Variants in SMYD1 observed in about 807,000 individuals in gnomAD.
SMYD1 encodes the protein SET and MYND domain containing 1, also known as histone-lysine N-methyltransferase SMYD1.
A neutral mutation model predicts 54.0 loss-of-function variants in SMYD1; 49 were observed. That is an observed-to-expected ratio of 0.91 (90% confidence interval 0.72 to 1.15). The LOEUF is 1.15. Among genes scored for constraint, SMYD1 ranks in the 50% most tolerant of loss-of-function variants. SMYD1 has a pLI of 0.00. For synonymous variants in SMYD1, 269 were observed against 234.2 expected, an observed-to-expected ratio of 1.15 and a Z score of -1.36; for missense variants, 653 against 639.6, an observed-to-expected ratio of 1.02 and a Z score of -0.23.
chr2:88,101,360 T>C (rs1008740454), intron 6 of SMYD1, among the ~76,000 whole-genome samples: 1 of 152,240 alleles, frequency 6.6e-6, no homozygotes, highest in Non-Finnish European at 1.5e-5. Context: ...CGGAAAACTT[T>C]ACATTTATTA....
chr2:88,086,968 A>T (rs1434913523), intron 2 of SMYD1, among the ~76,000 whole-genome samples: 3 of 140,554 alleles, frequency 2.1e-5, no homozygotes, highest in Non-Finnish European at 4.6e-5. Flanking sequence ...ACATCTCCCA[A>T]TGCTATCCCT....
chr2:88,069,785 A>G (rs115498375), intron 1 of SMYD1, among the ~76,000 whole-genome samples: 1,850 of 152,304 alleles, frequency 0.012, 40 homozygotes, highest in African/African-American at 0.042. Context: ...CATAGGTTTC[A>G]TTTGGCTGTA....
At chr2:88,105,294 T>A (rs995109891) in intron 7 of SMYD1, among the ~76,000 whole-genome samples, 2 of 152,126 alleles carry the variant, frequency 1.3e-5, no homozygotes, top group African/African-American at 4.8e-5. Context: ...TCTCGTAAAA[T>A]GGGATTATTA....
At chr2:88,076,282 T>G (rs1674060605) in intron 1 of SMYD1, among the ~76,000 whole-genome samples, 1 of 152,202 alleles carries the variant, frequency 6.6e-6, no homozygotes, top group Non-Finnish European at 1.5e-5. Context: ...TGGCGTGATT[T>G]CGGCTCACCG....
rs754192860 is a variant in SMYD1 at position 88,106,417 on chromosome 2, G to C, written c.1074G>C (p.Ser358=). ...IYMLRMLSIV[S]EVLSYLQAFE... ...TGCTGCGGATGCTGAGCATTGTTTCGGAGGTCCTTTCCTACCTCCAGGCCT... is the reference window on the plus strand; with the variant it reads ...TGCTGCGGATGCTGAGCATTGTTTCCGAGGTCCTTTCCTACCTCCAGGCCT... The change falls in exon 8 of 10, where the codon TCG becomes TCC. Residue 358 remains serine (S), a synonymous_variant. Coordinates refer to ENST00000419482, the MANE Select transcript of SMYD1 (RefSeq NM_198274.4). The C allele has an allele frequency of 6.2e-7, 1 of 1,614,004 alleles. No homozygotes were observed.
Position 88,092,035 on chromosome 2 carries a change from T to C in SMYD1, c.659+893T>C, listed in dbSNP as rs1674474023. 2.0e-5 allele frequency among the ~76,000 whole-genome samples: 3 copies of C among 152,114 alleles called. No individual in the cohort carries two copies. The South Asian group carries it at 6.2e-4, about 32-fold the overall frequency. ...CAGCTAGTGAGAGCTGGACCCGGGATAGAGGGCCCCCAACAGCTCAGCTGT... is the reference window on the plus strand; with the variant it reads ...CAGCTAGTGAGAGCTGGACCCGGGACAGAGGGCCCCCAACAGCTCAGCTGT... On this transcript the variant is annotated intron_variant, in intron 4 of 9. Coordinates refer to ENST00000419482, the MANE Select transcript of SMYD1 (RefSeq NM_198274.4).
chr2:88,080,968 T>C (rs2103984806), intron 1 of SMYD1, among the ~76,000 whole-genome samples: 1 of 151,422 alleles, frequency 6.6e-6, no homozygotes, highest in South Asian at 2.1e-4. Flanking sequence ...AGTGGTACAA[T>C]CTTGGCTCAT....
At chr2:88,075,520 A>G (rs562663961) in intron 1 of SMYD1, among the ~76,000 whole-genome samples, 14 of 149,982 alleles carry the variant, frequency 9.3e-5, no homozygotes, top group African/African-American at 3.4e-4. Flanking sequence ...CCAAGGAAAC[A>G]GTACCTTTTA....
chr2:88,073,676 T>G (rs6547750), intron 1 of SMYD1, among the ~76,000 whole-genome samples: 69,391 of 152,044 alleles, frequency 0.46, 18,041 homozygotes, highest in East Asian at 0.92. Flanking sequence ...AATTACCTCA[T>G]CAAAGGAGAT....
At chr2:88,095,424 G>A (rs779271316) in intron 5 of SMYD1, among the ~76,000 whole-genome samples, 1 of 152,204 alleles carries the variant, frequency 6.6e-6, no homozygotes, top group Non-Finnish European at 1.5e-5. Context: ...GCCTGGATAT[G>A]AACGTCACTA....
chr2:88,109,448 G>A (rs1674959738), intron 9 of SMYD1, among the ~76,000 whole-genome samples: 1 of 152,120 alleles, frequency 6.6e-6, no homozygotes, highest in East Asian at 1.9e-4. Context: ...CAGTAAAATA[G>A]GGGGAAAGGA....
intron 3 of SMYD1, among the ~76,000 whole-genome samples, chr2:88,089,822 G>A (rs1273752415): frequency 1.3e-5 from 2 of 151,700 alleles, no homozygotes; most frequent in Non-Finnish European, 2.9e-5. Flanking sequence ...AAACTCCTGA[G>A]CTCAAGTGAT....
intron 1 of SMYD1, among the ~76,000 whole-genome samples, chr2:88,073,856 T>C (rs114998587): frequency 0.01 from 1,583 of 152,338 alleles, 30 homozygotes; most frequent in African/African-American, 0.036. Context: ...TTTTTAACAT[T>C]TGTTCTTTTA....
chr2:88,110,453 C>T lies in SMYD1; in HGVS notation c.1414C>T (p.Gln472Ter). 1 of 1,606,024 alleles carries T rather than the reference C, an allele frequency of 6.2e-7. No individual in the cohort carries two copies. The highest frequency in any genetic ancestry group is 8.5e-7 in the Non-Finnish European group (1 of 1,176,094). Residue 472 changes from glutamine to a stop codon, truncating the protein, a stop_gained, in exon 10 of 10, where the codon CAG becomes TAG. Transcript: ENST00000419482. LOFTEE classifies it high-confidence loss of function. ...REAALNNQPM[Q>*]VMAEPSNEPS... is the part of the protein sequence containing the mutation. ...GGCTGCCCTGAACAACCAGCCCATG[C>T]AGGTCATGGCCGAGCCCAGCAATGA...
intron 8 of SMYD1, among the ~76,000 whole-genome samples, chr2:88,107,885 A>G (rs535788902): frequency 9.5e-4 from 145 of 152,252 alleles, no homozygotes; most frequent in East Asian, 8.3e-3. Flanking sequence ...GACCCCTTGC[A>G]CTTCCCAGGT....
In SMYD1 at chr2:88,084,400, C is replaced by A; in HGVS notation, c.222C>A (p.Cys74Ter). ...GGCAGTGCAAGTTTGCCCATTACTG[C>A]GACCGCACCTGCCAGAAGGATGCTT... ...RCGQCKFAHY[C>*]DRTCQKDAWL... Residue 74 changes from cysteine to a stop codon, truncating the protein, a stop_gained, in exon 2 of 10, where the codon TGC becomes TGA. Transcript: ENST00000419482. LOFTEE classifies it high-confidence loss of function. The A allele has an allele frequency of 6.2e-7, 1 of 1,608,584 alleles. No individual in the cohort carries two copies. The highest frequency in any genetic ancestry group is 1.1e-5 in the South Asian group (1 of 90,800).
chr2:88,093,893 G>A (rs545049215), intron 5 of SMYD1, among the ~76,000 whole-genome samples: 2 of 152,138 alleles, frequency 1.3e-5, no homozygotes, highest in East Asian at 3.9e-4. Context: ...CATGAAATGG[G>A]GACTGTGACT....
chr2:88,099,501 G>T (rs1308322105), intron 6 of SMYD1, among the ~76,000 whole-genome samples: 1 of 152,100 alleles, frequency 6.6e-6, no homozygotes, highest in African/African-American at 2.4e-5. Context: ...GAGGCAGGCA[G>T]ATCACGAGGT....
chr2:88,084,643 C>A, intron 2 of SMYD1, 151 bp downstream of exon 2: 1 of 682,150 alleles, frequency 1.5e-6, no homozygotes, highest in Non-Finnish European at 2.4e-6. Context: ...CTCTTCACTC[C>A]CTTAAGGTCT....
Sources: allele counts gnomAD v4.1 joint callset (sites outside exome capture counted in the v4.1 genomes callset), GRCh38; gene constraint gnomAD v4.1.1; transcripts MANE v1.5; gene names NCBI Gene and HGNC (gene_info 2026-07-23, HGNC 2026-07-21).